Variants in EYS observed in about 807,000 individuals in gnomAD.
EYS encodes EGF-like photoreceptor maintenance factor, also known as protein eyes shut homolog.
A neutral mutation model predicts 282.1 loss-of-function variants in EYS; 250 were observed. The ratio of observed to expected loss-of-function variants is 0.89; its 90% CI spans 0.80 to 0.98. EYS has a LOEUF of 0.98. Among genes scored for constraint, EYS ranks in the 50% least tolerant of loss-of-function variants. EYS has a pLI of 0.00. For missense variants in EYS, 4,016 were observed against 3,709.0 expected (o/e 1.08, Z -2.15); for synonymous variants, 1,355 against 1,282.9 (o/e 1.06, Z -1.20).
intron 14 of EYS, among the ~76,000 whole-genome samples, chr6:64,967,546 G>A (rs1228286811): frequency 1.3e-5 from 2 of 152,002 alleles, no homozygotes; most frequent in Non-Finnish European, 2.9e-5. Context: ...TCGAAGTCCC[G>A]ACCTCAGGTG....
intron 36 of EYS, among the ~76,000 whole-genome samples, chr6:63,818,138 A>T (rs1049248456): frequency 1.3e-5 from 2 of 152,258 alleles, no homozygotes; most frequent in African/African-American, 4.8e-5. Flanking sequence ...ATGTTTTGTC[A>T]TGAAGGAAAC....
At chr6:64,518,348 G>A (rs1308783450) in intron 26 of EYS, among the ~76,000 whole-genome samples, 1 of 151,706 alleles carries the variant, frequency 6.6e-6, no homozygotes, top group African/African-American at 2.4e-5. Context: ...TCTCCGTCAT[G>A]TAATCTAGCC....
intron 15 of EYS, among the ~76,000 whole-genome samples, chr6:64,930,104 T>C (rs1187552014): frequency 6.6e-6 from 1 of 152,148 alleles, no homozygotes; most frequent in East Asian, 1.9e-4. Context: ...TACTCGAATA[T>C]TTAATGTAGA....
intron 22 of EYS, among the ~76,000 whole-genome samples, chr6:64,778,004 A>G (rs1000598479): frequency 6.6e-6 from 1 of 152,126 alleles, no homozygotes; most frequent in African/African-American, 2.4e-5. Flanking sequence ...TTTCCCTTTT[A>G]AATTATCTAG....
rs958789246 is a variant in EYS at position 64,061,939 on chromosome 6, C to T, written c.6725+4399G>A. On this transcript the variant is annotated intron_variant, in intron 33 of 42. Coordinates refer to ENST00000503581, the MANE Select transcript of EYS (RefSeq NM_001142800.2). ...TGGAAGTTGGAGGTTGCAGTGGGAG[C>T]GTGGGCAACAGAGCGAGACTCTTTC... is the stretch of plus-strand genomic sequence containing the variant. Among the ~76,000 whole-genome samples the T allele has an allele frequency of 6.0e-5, 9 of 148,902 alleles. No individual in the cohort carries two copies. The South Asian group carries it at 6.3e-4, about 10-fold the overall frequency.
At chr6:64,485,350 T>G (rs1416689104) in intron 26 of EYS, among the ~76,000 whole-genome samples, 2 of 151,546 alleles carry the variant, frequency 1.3e-5, no homozygotes, top group Non-Finnish European at 3.0e-5. Flanking sequence ...AACAGAAGCT[T>G]CAGTTTAAGA....
intron 13 of EYS, among the ~76,000 whole-genome samples, chr6:65,010,431 G>A (rs1236726202): frequency 6.6e-6 from 1 of 152,224 alleles, no homozygotes. Flanking sequence ...CTGCGCACTT[G>A]TGCAACTCTT....
chr6:64,159,090 A>G (rs1775021186), intron 31 of EYS, among the ~76,000 whole-genome samples: 1 of 152,130 alleles, frequency 6.6e-6, no homozygotes, highest in African/African-American at 2.4e-5. Flanking sequence ...AATCCCCACA[A>G]ATCCCCAAAT....
At chr6:64,918,612 G>A (rs900051622) in intron 15 of EYS, among the ~76,000 whole-genome samples, 18 of 152,126 alleles carry the variant, frequency 1.2e-4, no homozygotes, top group Non-Finnish European at 4.4e-5. Flanking sequence ...GAGTAATAAA[G>A]TACATCAAAT....
At chr6:63,834,810 C>T (rs1192321645) in intron 36 of EYS, among the ~76,000 whole-genome samples, 1 of 151,742 alleles carries the variant, frequency 6.6e-6, no homozygotes, top group East Asian at 1.9e-4. Flanking sequence ...CCCAAATGTC[C>T]ATCAATGATA....
chr6:65,495,671 G>C, intron 3 of EYS, 64 bp from the exon 4 acceptor site: 1 of 532,670 alleles, frequency 1.9e-6, no homozygotes, highest in Non-Finnish European at 3.3e-6. Context: ...TATAGAAAAT[G>C]CTAGCTCTTT....
At chr6:64,734,435 G>GT (rs1400381659) in intron 22 of EYS, among the ~76,000 whole-genome samples, 3 of 152,048 alleles carry the variant, frequency 2.0e-5, no homozygotes. Context: ...ACAACTTTTA[G>GT]TTTGCAAGTG....
chr6:65,243,533 C>G (rs1767105740), intron 12 of EYS, among the ~76,000 whole-genome samples: 1 of 152,154 alleles, frequency 6.6e-6, no homozygotes, highest in Non-Finnish European at 1.5e-5. Flanking sequence ...ACTCTTGTCT[C>G]TGATTACCAT....
chr6:63,766,412 A>T (rs1176832140), intron 40 of EYS, among the ~76,000 whole-genome samples: 1 of 152,014 alleles, frequency 6.6e-6, no homozygotes, highest in Non-Finnish European at 1.5e-5. Context: ...GTAAGTTTTC[A>T]TTGACTATTC....
At chr6:64,855,081 C>G (rs537626487) in intron 19 of EYS, among the ~76,000 whole-genome samples, 1 of 152,018 alleles carries the variant, frequency 6.6e-6, no homozygotes, top group African/African-American at 2.4e-5. Flanking sequence ...TCTCTGTCTG[C>G]CTTCAAGATT....
chr6:64,447,811 T>A (rs927814940), intron 26 of EYS, among the ~76,000 whole-genome samples: 1 of 152,262 alleles, frequency 6.6e-6, no homozygotes, highest in Non-Finnish European at 1.5e-5. Flanking sequence ...ATAACTTTTT[T>A]TACTGAAAGC....
chr6:64,542,795 T>A (rs1379063849), intron 26 of EYS, among the ~76,000 whole-genome samples: 1 of 152,118 alleles, frequency 6.6e-6, no homozygotes, highest in East Asian at 1.9e-4. Flanking sequence ...TCTATATTTT[T>A]AAGGAGGCAT....
chr6:64,396,108 CTCT>C (rs928221415), intron 28 of EYS, among the ~76,000 whole-genome samples: 15 of 152,098 alleles, frequency 9.9e-5, no homozygotes, highest in Admixed American at 3.9e-4. Flanking sequence ...TCTCTCACAA[CTCT>C]TCTATCCTCA....
intron 26 of EYS, among the ~76,000 whole-genome samples, chr6:64,501,169 C>G (rs1222431058): frequency 6.6e-6 from 1 of 150,994 alleles, no homozygotes; most frequent in Admixed American, 6.6e-5. Flanking sequence ...TGATTAAGTA[C>G]CTTATTTCCT....
Sources: allele counts gnomAD v4.1 joint callset (sites outside exome capture counted in the v4.1 genomes callset), GRCh38; gene constraint gnomAD v4.1.1; transcripts MANE v1.5; gene names NCBI Gene and HGNC (gene_info 2026-07-23, HGNC 2026-07-21).